DAB2IP: variants seen among roughly 807,000 people sequenced by gnomAD.
DAB2IP encodes the protein DAB2 interacting protein.
A neutral mutation model predicts 107.2 loss-of-function variants in DAB2IP; 28 were observed. The observed-to-expected ratio is 0.26, with a 90% CI of 0.19 to 0.36. The LOEUF (loss-of-function observed/expected upper bound fraction) is 0.36. Among genes scored for constraint, DAB2IP ranks in the 10% least tolerant of loss-of-function variants. DAB2IP has a pLI of 1.00. For missense variants in DAB2IP, 1,400 were observed against 1,644.7 expected, an observed-to-expected ratio of 0.85 and a Z score of 2.57; for synonymous variants, 755 against 706.4, an observed-to-expected ratio of 1.07 and a Z score of -1.09.
chr9:121,782,824 G>C lies in DAB2IP; in HGVS notation c.*326G>C, dbSNP rs1013772250. The C allele has an allele frequency of 8.7e-7, 1 of 1,143,242 alleles. No individual in the cohort carries two copies. Among genetic ancestry groups the C allele is most frequent in the African/African-American group, 1.6e-5 (1 of 62,996 alleles). 70.8% of individuals were successfully genotyped at this position (1,143,242 alleles called of 1,614,324 possible). ...AATGTGGTGTGTCCTTGTCCTCCTGGATCTGGCCGAGTGCATGTGTCCCCC... is the reference window on the plus strand; with the variant it reads ...AATGTGGTGTGTCCTTGTCCTCCTGCATCTGGCCGAGTGCATGTGTCCCCC... On this transcript the variant is annotated 3_prime_UTR_variant, in exon 16 of 16. Coordinates refer to ENST00000408936, the Ensembl canonical transcript of DAB2IP. This position sits in a 1 kb window ranked among gnomAD's most constrained non-coding sequence, Gnocchi z 6.1.
chr9:121,594,825 G>A (rs747736510), intron 1 of DAB2IP, among the ~76,000 whole-genome samples: 1 of 152,214 alleles, frequency 6.6e-6, no homozygotes, highest in Non-Finnish European at 1.5e-5. Context: ...GGTGGAGTGG[G>A]TGGGTTCTGT....
intron 1 of DAB2IP, among the ~76,000 whole-genome samples, chr9:121,592,478 AG>A (rs2118931176): frequency 6.6e-6 from 1 of 152,366 alleles, no homozygotes; most frequent in East Asian, 1.9e-4. Context: ...CCATGTCACC[AG>A]GATAATATTA....
chr9:121,611,062 G>C (rs1831075436), intron 1 of DAB2IP, among the ~76,000 whole-genome samples: 1 of 152,234 alleles, frequency 6.6e-6, no homozygotes, highest in Admixed American at 6.5e-5. Flanking sequence ...TGCAACCTCT[G>C]CTTCCTGGGT....
rs1206653277 is a variant in DAB2IP, at chr9:121,760,854, C to CT, written c.1170+416dup. Among the ~76,000 whole-genome samples, 1 of 152,220 alleles carries CT rather than the reference C, an allele frequency of 6.6e-6. No individual in the cohort carries two copies. The highest frequency in any genetic ancestry group is 1.5e-5 in the Non-Finnish European group (1 of 68,050). On this transcript the variant is annotated intron_variant, in intron 6 of 15. Coordinates refer to ENST00000408936, the Ensembl canonical transcript of DAB2IP. This position sits in a 1 kb window ranked among gnomAD's most constrained non-coding sequence, Gnocchi z 5.9. Reference sequence around the variant, plus strand: ...CTGTGGGGTATGGAGTTCGGCAGACCTCCCCAGCACGATGCACAGATGAGC... The same window carrying CT: ...CTGTGGGGTATGGAGTTCGGCAGACCTTCCCCAGCACGATGCACAGATGAGC...
chr9:121,671,664 C>T (rs1333427815), intron 1 of DAB2IP, among the ~76,000 whole-genome samples: 1 of 152,166 alleles, frequency 6.6e-6, no homozygotes. Context: ...GGATTACACA[C>T]CATTTCCTTT....
chr9:121,632,942 G>A (rs1434406144), intron 1 of DAB2IP, among the ~76,000 whole-genome samples: 2 of 152,178 alleles, frequency 1.3e-5, no homozygotes, highest in Non-Finnish European at 2.9e-5. Context: ...TTGGGGTCCT[G>A]GAATTCCATA....
intron 3 of DAB2IP, among the ~76,000 whole-genome samples, chr9:121,721,359 G>A (rs1337421879): frequency 6.6e-6 from 1 of 152,188 alleles, no homozygotes; most frequent in African/African-American, 2.4e-5. Context: ...CCTGGGCACC[G>A]TGAAGGGCTG....
intron 1 of DAB2IP, among the ~76,000 whole-genome samples, chr9:121,590,658 C>A (rs73661765): frequency 1.3e-5 from 2 of 152,128 alleles, no homozygotes; most frequent in Admixed American, 6.5e-5. Context: ...TTCATAGCAA[C>A]GGGCAGAAAT....
At chr9:121,637,340 C>T (rs1019325906) in intron 1 of DAB2IP, among the ~76,000 whole-genome samples, 30 of 152,204 alleles carry the variant, frequency 2.0e-4, no homozygotes, top group African/African-American at 5.8e-4. Context: ...GTGGAGTGGG[C>T]AGGGCTGGGG....
chr9:121,677,779 A>C (rs1828339538), intron 1 of DAB2IP, among the ~76,000 whole-genome samples: 1 of 151,948 alleles, frequency 6.6e-6, no homozygotes, highest in South Asian at 2.1e-4. Flanking sequence ...CTCCCACCTC[A>C]GCCTCCCGAG....
chr9:121,673,937 C>T (rs576492937), intron 1 of DAB2IP, among the ~76,000 whole-genome samples: 2 of 152,324 alleles, frequency 1.3e-5, no homozygotes, highest in East Asian at 3.9e-4. Context: ...TGGATCAGTT[C>T]AGGGTCTGGA....
At chr9:121,612,686 C>T (rs56152942) in intron 1 of DAB2IP, among the ~76,000 whole-genome samples, 10,585 of 152,116 alleles carry the variant, frequency 0.07, 437 homozygotes, top group Non-Finnish European at 0.094. Context: ...GCCTGCTCAG[C>T]CTTTGGGGAA....
At chr9:121,735,886 G>A (rs559321142) in intron 3 of DAB2IP, among the ~76,000 whole-genome samples, 1 of 152,358 alleles carries the variant, frequency 6.6e-6, no homozygotes, top group Admixed American at 6.5e-5. Flanking sequence ...GCCAGCAGGT[G>A]GGGCAGGGGT....
chr9:121,737,701 G>T (rs145251128), intron 3 of DAB2IP: 2 of 985,438 alleles, frequency 2.0e-6, no homozygotes, highest in Non-Finnish European at 2.4e-6. Context: ...AGAGGCCTGC[G>T]CTCCCACCAC....
At chr9:121,781,642 A>C in intron 15 of DAB2IP, 91 bp downstream of exon 15, 1 of 1,273,540 alleles carries the variant, frequency 7.9e-7, no homozygotes, top group Non-Finnish European at 1.1e-6. Context: ...GTCATACCTC[A>C]CTGCAGACAC....
intron 1 of DAB2IP, among the ~76,000 whole-genome samples, chr9:121,632,818 C>T (rs1029728193): frequency 6.6e-6 from 1 of 152,188 alleles, no homozygotes; most frequent in African/African-American, 2.4e-5. Context: ...AGCGCTGGAG[C>T]CTCCCTGAAG....
rs535892576 is a variant in DAB2IP at position 121,662,925 on chromosome 9, G to A, written c.124+11026G>A. Reference sequence around the variant, plus strand: ...CCCTGCAGATGCAGAGAAAAGAATCGTGGGAAGAAAACTCCAGAAGAAAAA... The same window carrying A: ...CCCTGCAGATGCAGAGAAAAGAATCATGGGAAGAAAACTCCAGAAGAAAAA... On this transcript the variant is annotated intron_variant, in intron 1 of 15. Transcript: ENST00000408936. This position sits in a 1 kb window ranked among gnomAD's most constrained non-coding sequence, Gnocchi z 4.6. 1.3e-5 allele frequency among the ~76,000 whole-genome samples: 2 copies of A among 152,256 alleles called. No individual in the cohort carries two copies. The highest frequency in any genetic ancestry group is 2.4e-5 in the African/African-American group (1 of 41,546).
At chr9:121,646,510 T>G (rs1409780497) in intron 1 of DAB2IP, among the ~76,000 whole-genome samples, 2 of 7,792 alleles carry the variant, frequency 2.6e-4, no homozygotes, top group Non-Finnish European at 2.8e-4. Flanking sequence ...CCCGACCCTC[T>G]GTCCCCCCCA....
chr9:121,768,559 G>A, exon 10 of DAB2IP: 1 of 1,614,154 alleles, frequency 6.2e-7, no homozygotes, highest in Non-Finnish European at 8.5e-7. Flanking sequence ...CGGCTTCGAG[G>A]GCTACATCGA....
Sources: allele counts gnomAD v4.1 joint callset (sites outside exome capture counted in the v4.1 genomes callset), GRCh38; gene constraint gnomAD v4.1.1; non-coding constraint Gnocchi (gnomAD v3.1); transcripts MANE v1.5; gene names NCBI Gene and HGNC (gene_info 2026-07-23, HGNC 2026-07-21).